The following FHIT variants were observed in gnomAD, a reference collection of about 807,000 sequenced individuals.
The protein encoded by FHIT is fragile histidine triad diadenosine triphosphatase, also known as bis(5'-adenosyl)-triphosphatase.
Under a neutral mutation model 17.9 loss-of-function variants are expected in FHIT, and 19 were observed. The observed-to-expected ratio is 1.06, with a 90% confidence interval of 0.74 to 1.56. The LOEUF is 1.56. Among genes scored for constraint, FHIT ranks in the 40% most tolerant of loss-of-function variants. The pLI is 0.00. For missense variants in FHIT, 248 were observed against 189.2 expected, an observed-to-expected ratio of 1.31 and a Z score of -1.82; for synonymous variants, 81 against 69.7, an observed-to-expected ratio of 1.16 and a Z score of -0.81.
At chr3:60,014,821 C>T (rs140477057) in intron 5 of FHIT, among the ~76,000 whole-genome samples, 2 of 152,112 alleles carry the variant, frequency 1.3e-5, no homozygotes, top group East Asian at 3.9e-4. Flanking sequence ...GAAAGGTTGT[C>T]TGTTTATTCA....
At chr3:61,120,356 A>G (rs996110858) in intron 2 of FHIT, among the ~76,000 whole-genome samples, 1 of 152,224 alleles carries the variant, frequency 6.6e-6, no homozygotes, top group African/African-American at 2.4e-5. Context: ...TGTTCCAGAA[A>G]TCTTTTTATA....
intron 8 of FHIT, among the ~76,000 whole-genome samples, chr3:59,830,434 T>A (rs187970750): frequency 2.6e-5 from 4 of 152,314 alleles, no homozygotes; most frequent in Admixed American, 2.0e-4. Context: ...TAATGCTAAG[T>A]AGATGTATAA....
At chr3:60,526,476 G>T (rs190149181) in intron 5 of FHIT, among the ~76,000 whole-genome samples, 1 of 152,046 alleles carries the variant, frequency 6.6e-6, no homozygotes, top group Non-Finnish European at 1.5e-5. Context: ...CAGGAACCGG[G>T]GGACCTGCTG....
At chr3:60,946,809 G>A (rs1392936130) in intron 3 of FHIT, among the ~76,000 whole-genome samples, 1 of 152,154 alleles carries the variant, frequency 6.6e-6, no homozygotes, top group African/African-American at 2.4e-5. Context: ...CTCCTTAAGA[G>A]TTTGCCAAGA....
chr3:59,944,514 C>CT (rs5849312), intron 7 of FHIT, among the ~76,000 whole-genome samples: 83,450 of 149,996 alleles, frequency 0.56, 25,685 homozygotes, highest in Middle Eastern at 0.71. Context: ...ACATTTTTTT[C>CT]TTTTTTTTTT....
At chr3:60,931,011 A>T (rs1707921762) in intron 3 of FHIT, among the ~76,000 whole-genome samples, 1 of 152,262 alleles carries the variant, frequency 6.6e-6, no homozygotes, top group African/African-American at 2.4e-5. Flanking sequence ...TGGCACATAT[A>T]CACCATGGAA....
chr3:60,370,346 CT>C (rs563506157), intron 5 of FHIT, among the ~76,000 whole-genome samples: 3 of 152,218 alleles, frequency 2.0e-5, no homozygotes, highest in Non-Finnish European at 4.4e-5. Context: ...TAGAAATTAA[CT>C]GTTCGGAGTG....
chr3:60,196,374 C>T (rs1188114717), intron 5 of FHIT, among the ~76,000 whole-genome samples: 1 of 152,152 alleles, frequency 6.6e-6, no homozygotes, highest in Admixed American at 6.5e-5. Flanking sequence ...CACCACAACA[C>T]TCAGACCTCT....
chr3:60,142,720 C>T (rs905783342), intron 5 of FHIT, among the ~76,000 whole-genome samples: 4 of 147,940 alleles, frequency 2.7e-5, no homozygotes, highest in African/African-American at 5.0e-5. Context: ...GATGGGATTT[C>T]ACTATGTTGC....
chr3:61,092,608 T>C (rs1480348652), intron 2 of FHIT, among the ~76,000 whole-genome samples: 2 of 152,098 alleles, frequency 1.3e-5, no homozygotes, highest in South Asian at 2.1e-4. Flanking sequence ...AGTTATTTAG[T>C]AGTAATCTGT....
chr3:60,041,712 C>A (rs1256176129), intron 5 of FHIT, among the ~76,000 whole-genome samples: 1 of 152,174 alleles, frequency 6.6e-6, no homozygotes, highest in African/African-American at 2.4e-5. Flanking sequence ...AGGACACCCA[C>A]AAAAGAAACT....
At chr3:60,902,708 G>T (rs1553763489) in intron 3 of FHIT, among the ~76,000 whole-genome samples, 2 of 152,178 alleles carry the variant, frequency 1.3e-5, no homozygotes, top group Non-Finnish European at 1.5e-5. Context: ...GAAGCAAAGT[G>T]CAACTAAGTG....
chr3:60,410,190 G>A (rs780397050), intron 5 of FHIT, among the ~76,000 whole-genome samples: 1 of 152,168 alleles, frequency 6.6e-6, no homozygotes, highest in African/African-American at 2.4e-5. Context: ...GGAGGTATCA[G>A]GCATTTCTGC....
chr3:60,080,123 T>C (rs1305541774), intron 5 of FHIT, among the ~76,000 whole-genome samples: 1 of 152,168 alleles, frequency 6.6e-6, no homozygotes, highest in African/African-American at 2.4e-5. Flanking sequence ...AAAATGTGGA[T>C]ACAGCCAAAA....
intron 5 of FHIT, among the ~76,000 whole-genome samples, chr3:60,026,465 A>T (rs995308983): frequency 2.0e-5 from 3 of 152,128 alleles, no homozygotes; most frequent in Non-Finnish European, 4.4e-5. Context: ...CATGTTTAAA[A>T]TGTCTGTACT....
chr3:61,112,398 G>T (rs1006009261), intron 2 of FHIT, among the ~76,000 whole-genome samples: 1 of 151,968 alleles, frequency 6.6e-6, no homozygotes. Context: ...CCCTTCTGGT[G>T]TGTCCCAGCT....
intron 5 of FHIT, among the ~76,000 whole-genome samples, chr3:60,531,508 G>C (rs2035785244): frequency 6.6e-6 from 1 of 151,968 alleles, no homozygotes; most frequent in African/African-American, 2.4e-5. Context: ...TCGATCTCCT[G>C]ACCTCGTGAT....
intron 5 of FHIT, among the ~76,000 whole-genome samples, chr3:60,264,224 G>A (rs1435408109): frequency 6.6e-6 from 1 of 151,986 alleles, no homozygotes; most frequent in East Asian, 1.9e-4. Context: ...GTATGTAGGA[G>A]TAGCCTGATG....
chr3:60,307,471 T>A (rs1315341116), intron 5 of FHIT, among the ~76,000 whole-genome samples: 4 of 152,166 alleles, frequency 2.6e-5, no homozygotes, highest in African/African-American at 9.7e-5. Flanking sequence ...GGAAGAAGGA[T>A]TGAATGCCAT....
Sources: allele counts gnomAD v4.1 joint callset (sites outside exome capture counted in the v4.1 genomes callset), GRCh38; gene constraint gnomAD v4.1.1; transcripts MANE v1.5; gene names NCBI Gene and HGNC (gene_info 2026-07-23, HGNC 2026-07-21).